The following PPP3R1 variants were observed in gnomAD, a reference collection of about 807,000 sequenced individuals.
PPP3R1 encodes calcineurin subunit B type 1.
In PPP3R1, 5 loss-of-function variants were observed where a neutral mutation model predicts 22.6. The observed-to-expected ratio is 0.22, with a 90% CI of 0.12 to 0.46. The LOEUF is 0.46. Among genes scored for constraint, PPP3R1 ranks in the 20% least tolerant of loss-of-function variants. PPP3R1 has a pLI of 0.99. For synonymous variants in PPP3R1, 56 were observed against 65.2 expected, an observed-to-expected ratio of 0.86 and a Z score of 0.68; for missense variants, 61 against 203.2, an observed-to-expected ratio of 0.30 and a Z score of 4.25.
chr2:68,217,054 G>A (rs540324855), intron 2 of PPP3R1, 38 bp downstream of exon 2: 200 of 1,467,808 alleles, frequency 1.4e-4, no homozygotes, highest in Non-Finnish European at 1.7e-4. Context: ...AGAGATGAGT[G>A]AATAAAAGTA....
chr2:68,209,673 G>A lies in PPP3R1; in HGVS notation c.43+7419C>T, dbSNP rs147472172. On this transcript the variant is annotated intron_variant, in intron 2 of 5. Coordinates refer to ENST00000234310, the MANE Select transcript of PPP3R1 (RefSeq NM_000945.4). ...CTCCAGAGGCTGAGGTAGGAGAATC[G>A]CTTGAGCCCCAGTGAGCCAGGCTGC... Among the ~76,000 whole-genome samples the A allele has an allele frequency of 4.8e-3, 732 of 151,950 alleles. 9 individuals are homozygous for A. Among genetic ancestry groups the A allele is most frequent in the African/African-American group, 0.017 (685 of 41,424 alleles).
rs371442284 is a variant in PPP3R1, at chr2:68,226,436, T to C, written c.4-9305A>G. 2.6e-5 allele frequency among the ~76,000 whole-genome samples: 4 copies of C among 152,214 alleles called. No individual in the cohort carries two copies. The East Asian group carries it at 5.8e-4, about 22-fold the overall frequency. On this transcript the variant is annotated intron_variant, in intron 1 of 5. Coordinates refer to ENST00000234310, the MANE Select transcript of PPP3R1 (RefSeq NM_000945.4). ...AGTCTCCAGTTTAGAAACAATCTCA[T>C]CACTTTCTTTAAAACAATAAAGTTT...
chr2:68,208,047 T>C lies in PPP3R1; in HGVS notation c.43+9045A>G, dbSNP rs540832625. On this transcript the variant is annotated intron_variant, in intron 2 of 5. Coordinates refer to ENST00000234310, the MANE Select transcript of PPP3R1 (RefSeq NM_000945.4). Reference sequence around the variant, plus strand: ...GGTGGGTGCCTGTAATCCCAGCTACTTGGGAGGCTGAGAGAGAACTGCTTA... The same window carrying C: ...GGTGGGTGCCTGTAATCCCAGCTACCTGGGAGGCTGAGAGAGAACTGCTTA... Among the ~76,000 whole-genome samples the C allele has an allele frequency of 3.3e-5, 5 of 152,198 alleles. No homozygotes were observed. The East Asian group carries it at 5.8e-4, about 18-fold the overall frequency.
chr2:68,229,472 A>G lies in PPP3R1; in HGVS notation c.4-12341T>C, dbSNP rs1435551187. ...GATTTTCTTGCTTGGTTACTCCACC[A>G]TTTATTGAGAAATAGGTGTTGACGT... is the stretch of plus-strand genomic sequence containing the variant. On this transcript the variant is annotated intron_variant, in intron 1 of 5. Transcript: ENST00000234310. 2.6e-5 allele frequency among the ~76,000 whole-genome samples: 4 copies of G among 152,152 alleles called. No individual in the cohort carries two copies. In the East Asian group the frequency reaches 7.7e-4, roughly 29 times the overall value.
chr2:68,244,153 T>G (rs183277203), intron 1 of PPP3R1, among the ~76,000 whole-genome samples: 1 of 152,354 alleles, frequency 6.6e-6, no homozygotes, highest in East Asian at 1.9e-4. Context: ...TGATTCCTTT[T>G]AGACCTATGT....
At chr2:68,190,175 G>C (rs1674631759) in intron 2 of PPP3R1, among the ~76,000 whole-genome samples, 1 of 147,228 alleles carries the variant, frequency 6.8e-6, no homozygotes, top group African/African-American at 2.5e-5. Context: ...AGAGGAAGGA[G>C]AGTAGTATTG....
intron 1 of PPP3R1, among the ~76,000 whole-genome samples, chr2:68,248,021 G>GA (rs1359406949): frequency 6.6e-6 from 1 of 152,022 alleles, no homozygotes; most frequent in Admixed American, 6.6e-5. Flanking sequence ...GCTTTTAGGA[G>GA]AAAAAAGATT....
chr2:68,240,458 C>T (rs192868015), intron 1 of PPP3R1, among the ~76,000 whole-genome samples: 1 of 152,224 alleles, frequency 6.6e-6, no homozygotes, highest in East Asian at 1.9e-4. Context: ...AGACAAGATG[C>T]CCATTCTCAC....
intron 2 of PPP3R1, among the ~76,000 whole-genome samples, chr2:68,205,423 T>C (rs551604854): frequency 6.6e-6 from 1 of 152,062 alleles, no homozygotes; most frequent in African/African-American, 2.4e-5. Flanking sequence ...TTTACATTTT[T>C]AGTAGAGATG....
chr2:68,221,506 T>C (rs771601812), intron 1 of PPP3R1, among the ~76,000 whole-genome samples: 50 of 152,236 alleles, frequency 3.3e-4, no homozygotes, highest in African/African-American at 1.0e-3. Flanking sequence ...AATAAATAAA[T>C]AAACAAATGT....
At chr2:68,201,853 G>A (rs775143950) in intron 2 of PPP3R1, among the ~76,000 whole-genome samples, 5 of 152,100 alleles carry the variant, frequency 3.3e-5, no homozygotes, top group South Asian at 4.1e-4. Context: ...CAATGCCAGC[G>A]GACTCCTATT....
chr2:68,241,177 G>A (rs1670123247), intron 1 of PPP3R1, among the ~76,000 whole-genome samples: 1 of 151,486 alleles, frequency 6.6e-6, no homozygotes, highest in African/African-American at 2.4e-5. Context: ...ATATAAAATG[G>A]CATAGTATTT....
chr2:68,193,835 G>A (rs538288630), intron 2 of PPP3R1, among the ~76,000 whole-genome samples: 2 of 152,160 alleles, frequency 1.3e-5, no homozygotes, highest in Non-Finnish European at 2.9e-5. Context: ...ATTTATAGAA[G>A]ATCTGCACTT....
chr2:68,191,336 A>G (rs1306016948), intron 2 of PPP3R1, among the ~76,000 whole-genome samples: 1 of 152,218 alleles, frequency 6.6e-6, no homozygotes, highest in Admixed American at 6.5e-5. Flanking sequence ...ACTGTAGGCA[A>G]TTGTAACACA....
intron 2 of PPP3R1, among the ~76,000 whole-genome samples, chr2:68,210,005 A>G (rs1669446601): frequency 6.6e-6 from 1 of 152,186 alleles, no homozygotes; most frequent in Non-Finnish European, 1.5e-5. Context: ...AAACATAATG[A>G]GCAATGGGGA....
At chr2:68,202,282 G>A (rs1034963481) in intron 2 of PPP3R1, among the ~76,000 whole-genome samples, 17 of 152,306 alleles carry the variant, frequency 1.1e-4, no homozygotes, top group African/African-American at 3.1e-4. Context: ...GCTAGATAAC[G>A]AGATTACTAT....
chr2:68,231,736 A>G (rs1669904958), intron 1 of PPP3R1, among the ~76,000 whole-genome samples: 1 of 152,202 alleles, frequency 6.6e-6, no homozygotes, highest in African/African-American at 2.4e-5. Context: ...ACAGTAATAA[A>G]GAAAACAACT....
intron 1 of PPP3R1, among the ~76,000 whole-genome samples, chr2:68,251,912 G>A (rs868644869): frequency 6.8e-6 from 1 of 146,430 alleles, no homozygotes; most frequent in Non-Finnish European, 1.5e-5. Flanking sequence ...CAGAGGCCGG[G>A]GGCGGGCGCG....
chr2:68,238,548 G>A (rs578085070), intron 1 of PPP3R1, among the ~76,000 whole-genome samples: 1 of 152,292 alleles, frequency 6.6e-6, no homozygotes, highest in South Asian at 2.1e-4. Context: ...ATGCAAAACA[G>A]TTTAGATTTT....
Sources: gnomAD v4.1 joint callset for allele counts (sites outside exome capture counted in the v4.1 genomes callset) on GRCh38, gnomAD v4.1.1 for gene constraint, MANE v1.5 for transcripts, NCBI Gene and HGNC (gene_info 2026-07-23, HGNC 2026-07-21) for gene names.